The following UBE3C variants were observed in gnomAD, a reference collection of about 807,000 sequenced individuals.
UBE3C encodes the protein ubiquitin-protein ligase E3C.
A neutral mutation model predicts 129.4 loss-of-function variants in UBE3C; 42 were observed. The ratio of observed to expected loss-of-function variants is 0.32; its 90% CI spans 0.25 to 0.42. The LOEUF is 0.42. Ranked by LOEUF, UBE3C falls within the 10% of genes least tolerant of loss-of-function variation. The pLI, the probability that UBE3C is intolerant of heterozygous loss-of-function variation, is 1.00. For missense variants in UBE3C, 1,049 were observed against 1,319.1 expected (o/e 0.80, Z 3.17); for synonymous variants, 510 against 492.4 (o/e 1.04, Z -0.47).
intron 3 of UBE3C, among the ~76,000 whole-genome samples, chr7:157,169,519 G>T (rs765026502): frequency 1.2e-4 from 19 of 152,166 alleles, no homozygotes; most frequent in Non-Finnish European, 2.6e-4. Flanking sequence ...GGGATTACAG[G>T]CATGTGCCAC....
intron 1 of UBE3C, among the ~76,000 whole-genome samples, chr7:157,157,848 G>A (rs1807954439): frequency 6.6e-6 from 1 of 152,038 alleles, no homozygotes; most frequent in African/African-American, 2.4e-5. Flanking sequence ...AGGCATGGTG[G>A]TGGAAGCCTG....
In UBE3C at chr7:157,201,416, G is replaced by T. The variant is rs1809277659; in HGVS notation, c.1332-305G>T. Among the ~76,000 whole-genome samples, 5 of 139,780 alleles carry T rather than the reference G, an allele frequency of 3.6e-5. 1 individual carries two copies. In the South Asian group the frequency reaches 1.2e-3, roughly 34 times the overall value. The allele number at this position is 139,780 out of a possible 152,430, so 91.7% of individuals were successfully genotyped here. A position where few individuals can be genotyped will look rare whatever the true frequency, so the allele number is the denominator to read the frequency against. On this transcript the variant is annotated intron_variant, in intron 10 of 22. Coordinates refer to ENST00000348165, the MANE Select transcript of UBE3C (RefSeq NM_014671.3). ...ACGATATGTAGCAGAGGGGGAGCAGGTTCAACTTGTGCATGAAAACAGCTT... is the reference window on the plus strand; with the variant it reads ...ACGATATGTAGCAGAGGGGGAGCAGTTTCAACTTGTGCATGAAAACAGCTT...
At chr7:157,261,306 G>GAA (rs57114090) in intron 22 of UBE3C, among the ~76,000 whole-genome samples, 279 of 77,966 alleles carry the variant, frequency 3.6e-3, no homozygotes, top group Non-Finnish European at 5.5e-3. Flanking sequence ...AACTCTGTCT[G>GAA]AAAAAAAAAA....
At chr7:157,183,528 G>A (rs749926772) in intron 8 of UBE3C, among the ~76,000 whole-genome samples, 2 of 152,088 alleles carry the variant, frequency 1.3e-5, no homozygotes, top group African/African-American at 2.4e-5. Flanking sequence ...AAGTTGGTGC[G>A]TGGGGCTGAA....
chr7:157,257,742 CAAAAAAA>C (rs11436417), intron 22 of UBE3C, among the ~76,000 whole-genome samples: 1 of 95,534 alleles, frequency 1.0e-5, no homozygotes, highest in African/African-American at 4.4e-5. Flanking sequence ...ACCCTGTCTC[CAAAAAAA>C]AAAAAAAAAA....
intron 8 of UBE3C, 148 bp downstream of exon 8, chr7:157,182,476 G>C: frequency 1.3e-6 from 1 of 751,398 alleles, no homozygotes; most frequent in Non-Finnish European, 2.1e-6. Context: ...GGTCTGGGCA[G>C]TGTGTTCCTG....
rs536046683 is a variant in UBE3C, at chr7:157,198,194, A to G, written c.1332-3527A>G. ...GAACATCTTGTAGCTGATTTTCTCC[A>G]TGCATATATTCAGACCGCTTACAAA... On this transcript the variant is annotated intron_variant, in intron 10 of 22. Transcript: ENST00000348165. The G allele has an allele frequency of 5.0e-6, 8 of 1,587,090 alleles. 1 individual carries two copies. In the South Asian group the frequency reaches 6.6e-5, roughly 13 times the overall value.
At chr7:157,219,299 T>A (rs534269265) in intron 14 of UBE3C, among the ~76,000 whole-genome samples, 2 of 152,298 alleles carry the variant, frequency 1.3e-5, no homozygotes, top group South Asian at 4.1e-4. Context: ...TTTAATTGAT[T>A]TATATTTTGG....
intron 10 of UBE3C, among the ~76,000 whole-genome samples, chr7:157,190,954 G>T (rs1000659896): frequency 2.6e-5 from 4 of 152,140 alleles, no homozygotes; most frequent in Non-Finnish European, 5.9e-5. Flanking sequence ...TAATGTCTGG[G>T]CTGGCATGTT....
Position 157,182,292 on chromosome 7 carries a change from T to C in UBE3C, c.955T>C (p.Phe319Leu). Residue 319 changes from phenylalanine to leucine, a missense_variant, in exon 8 of 23, where the codon TTC becomes CTC. By Grantham distance (22) the Phe-to-Leu change is conservative. This residue lies in a region of UBE3C where 489 missense variants were observed against 513.8 expected (regional missense o/e 0.95). Coordinates refer to ENST00000348165, the MANE Select transcript of UBE3C (RefSeq NM_014671.3). The part of the protein sequence containing the change: ...SRKSGGAPWL[F>L]YFVLTVGENY... ...AAAGAGTGGTGGAGCACCCTGGCTTTTCTATTTCGTTTTAACTGTTGGCGA... is the reference window on the plus strand; with the variant it reads ...AAAGAGTGGTGGAGCACCCTGGCTTCTCTATTTCGTTTTAACTGTTGGCGA... 7.4e-6 allele frequency: 12 copies of C among 1,613,758 alleles called. No homozygotes were observed. The highest frequency in any genetic ancestry group is 1.0e-5 in the Non-Finnish European group (12 of 1,179,936).
At chr7:157,208,380 T>G (rs1020911162) in intron 13 of UBE3C, among the ~76,000 whole-genome samples, 2 of 150,762 alleles carry the variant, frequency 1.3e-5, no homozygotes, top group Non-Finnish European at 3.0e-5. Flanking sequence ...CTGGCCTATA[T>G]ACCTTTTTAA....
chr7:157,219,935 G>C (rs535910105), intron 14 of UBE3C, among the ~76,000 whole-genome samples: 2 of 152,194 alleles, frequency 1.3e-5, no homozygotes, highest in South Asian at 4.1e-4. Context: ...GGCCAGCCGG[G>C]TGTGGTGGCT....
At chr7:157,164,398 G>A (rs1266842700) in intron 2 of UBE3C, 15 of 456,400 alleles carry the variant, frequency 3.3e-5, no homozygotes, top group Non-Finnish European at 5.3e-5. Flanking sequence ...TCATGCAATC[G>A]CCTCCCTCAT....
In UBE3C at chr7:157,139,010, C is replaced by T. The variant is rs1388251534; in HGVS notation, c.-263C>T. The T allele has an allele frequency of 6.5e-6, 1 of 153,922 alleles. No homozygotes were observed. The highest frequency in any genetic ancestry group is 2.4e-5 in the African/African-American group (1 of 41,458). 9.5% of individuals were successfully genotyped at this position (153,922 alleles called of 1,614,324 possible). ...GCCGGGTTTGCTGCCCGCTGGGCGC[C>T]CCTGCAGCGGCCCGAGCTGTGGCCG... On this transcript the variant is annotated 5_prime_UTR_variant, in exon 1 of 23. Coordinates refer to ENST00000348165, the MANE Select transcript of UBE3C (RefSeq NM_014671.3).
At chr7:157,201,155 C>T (rs1175806421) in intron 10 of UBE3C, among the ~76,000 whole-genome samples, 2 of 151,880 alleles carry the variant, frequency 1.3e-5, no homozygotes, top group East Asian at 3.9e-4. Flanking sequence ...GAAACCTCAT[C>T]TCTACTAAAA....
At position 157,215,562 on chromosome 7, in the gene UBE3C, T is replaced by C. The variant is rs1334532552; in HGVS notation, c.1810-1305T>C. ...TAAATTAGTATATATATAATAGATA[T>C]ATATTAGAAATGTTATTTCTAATCT... On this transcript the variant is annotated intron_variant, in intron 13 of 22. Transcript: ENST00000348165. Among the ~76,000 whole-genome samples the C allele has an allele frequency of 4.7e-5, 7 of 148,866 alleles. No homozygotes were observed. The East Asian group carries it at 1.4e-3, about 29-fold the overall frequency.
intron 22 of UBE3C, among the ~76,000 whole-genome samples, chr7:157,258,590 G>A (rs1796817971): frequency 2.6e-5 from 4 of 152,176 alleles, no homozygotes; most frequent in African/African-American, 9.7e-5. Context: ...CTCCTGAATA[G>A]CTGTGATTAC....
chr7:157,233,768 A>G (rs1299317403), intron 18 of UBE3C, among the ~76,000 whole-genome samples: 1 of 152,230 alleles, frequency 6.6e-6, no homozygotes, highest in Non-Finnish European at 1.5e-5. Context: ...GTGTTAGGTC[A>G]TACAGTACTC....
intron 22 of UBE3C, 63 bp from the exon 23 acceptor site, chr7:157,267,522 T>C: frequency 6.3e-7 from 1 of 1,585,540 alleles, no homozygotes; most frequent in South Asian, 1.1e-5. Context: ...GTGTACTTTG[T>C]ATTAAAACTC....
Sources: gnomAD v4.1 joint callset for allele counts (sites outside exome capture counted in the v4.1 genomes callset) on GRCh38, gnomAD v4.1.1 for gene constraint, gnomAD v4.1.1 regional missense constraint, MANE v1.5 for transcripts, NCBI Gene and HGNC (gene_info 2026-07-23, HGNC 2026-07-21) for gene names.